TANC2: variants seen among roughly 807,000 people sequenced by gnomAD.
TANC2 encodes the protein tetratricopeptide repeat, ankyrin repeat and coiled-coil containing 2, also known as protein TANC2.
TANC2 carries 26 observed loss-of-function variants against 210.5 expected under a neutral mutation model. That is an observed-to-expected ratio of 0.12 (90% CI 0.09 to 0.17). The LOEUF is 0.17. Ranked by LOEUF, TANC2 falls within the 10% of genes least tolerant of loss-of-function variation. The probability of loss-of-function intolerance (pLI) is 1.00; values close to 1 mark genes in which losing one functional copy is unlikely to be tolerated. For synonymous variants in TANC2, 931 were observed against 967.1 expected, an observed-to-expected ratio of 0.96 and a Z score of 0.69; for missense variants, 2,129 against 2,608.9, an observed-to-expected ratio of 0.82 and a Z score of 4.01.
intron 16 of TANC2, 103 bp from the exon 17 acceptor site, chr17:63,389,205 G>A: frequency 2.4e-6 from 2 of 833,768 alleles, no homozygotes; most frequent in Non-Finnish European, 3.7e-6. Context: ...ATTACTAAAT[G>A]CTACTAGACA....
intron 5 of TANC2, among the ~76,000 whole-genome samples, chr17:63,183,037 CTT>C (rs1475050963): frequency 6.6e-6 from 1 of 151,416 alleles, no homozygotes; most frequent in African/African-American, 2.4e-5. Context: ...TTGTCTTAAA[CTT>C]TTGAATTTAT....
Position 63,420,632 on chromosome 17 carries a change from T to C in TANC2, c.4902T>C (p.Ser1634=), listed in dbSNP as rs2048997248. 6.2e-7 allele frequency: 1 copy of C among 1,613,790 alleles called. No homozygotes were observed. Among genetic ancestry groups the C allele is most frequent in the East Asian group, 2.2e-5 (1 of 44,866 alleles). Residue 1634 remains serine, a synonymous_variant, in exon 28 of 28, where the codon AGT becomes AGC. Transcript: ENST00000689528. The surrounding 1 kb of genome is among the most constrained non-coding windows in gnomAD (Gnocchi z 4.2). ...ATCGGGCCAGCCCTCCAGCTGAAAG[T>C]ATGAGTGTCTATAGATCCCAGTCTG...
At chr17:63,036,366 G>T (rs1379844008) in intron 2 of TANC2, among the ~76,000 whole-genome samples, 1 of 152,120 alleles carries the variant, frequency 6.6e-6, no homozygotes, top group Non-Finnish European at 1.5e-5. Context: ...TTGTTGAAAA[G>T]ACTACACTTT....
chr17:63,412,453 C>T lies in TANC2; in HGVS notation c.3899-227C>T, dbSNP rs772561121. On this transcript the variant is annotated intron_variant, in intron 23 of 27. Transcript: ENST00000689528. This position sits in a 1 kb window ranked among gnomAD's most constrained non-coding sequence, Gnocchi z 4.2. The stretch of plus-strand genomic sequence containing the variant: ...TCAGCATCCTGGATCTCTGCGCTGC[C>T]GTGAGCCTTTGCTTTCCCTTGCTCT... Among the ~76,000 whole-genome samples the T allele has an allele frequency of 2.3e-4, 35 of 152,294 alleles. No individual in the cohort carries two copies. The highest frequency in any genetic ancestry group is 3.5e-4 in the Non-Finnish European group (24 of 68,016).
intron 2 of TANC2, among the ~76,000 whole-genome samples, chr17:63,012,041 G>T: frequency 7.0e-6 from 1 of 143,598 alleles, no homozygotes. Flanking sequence ...TTTTGAGACA[G>T]GATCTCACTC....
At chr17:63,011,926 CTG>C (rs1034490242) in intron 2 of TANC2, among the ~76,000 whole-genome samples, 5 of 151,552 alleles carry the variant, frequency 3.3e-5, no homozygotes, top group Admixed American at 3.3e-4. Context: ...ATTTGGGTAT[CTG>C]TGTGCTGTCT....
At chr17:63,087,076 G>C (rs142770637) in intron 3 of TANC2, among the ~76,000 whole-genome samples, 2 of 152,278 alleles carry the variant, frequency 1.3e-5, no homozygotes, top group East Asian at 3.9e-4. Context: ...TCTTGGTTCC[G>C]TGCCACCTTT....
chr17:63,149,301 C>A (rs1374813205), intron 4 of TANC2: 1 of 152,016 alleles, frequency 6.6e-6, no homozygotes, highest in African/African-American at 2.4e-5. Flanking sequence ...TCTGTATGAT[C>A]TCTAGAACCC....
chr17:63,211,542 A>G (rs1036467902), intron 7 of TANC2, among the ~76,000 whole-genome samples: 2 of 151,800 alleles, frequency 1.3e-5, no homozygotes, highest in East Asian at 3.9e-4. Context: ...GTGTTCTGTC[A>G]CCACCACTAC....
chr17:63,281,531 G>A (rs988670360), intron 9 of TANC2, among the ~76,000 whole-genome samples: 5 of 151,904 alleles, frequency 3.3e-5, no homozygotes, highest in African/African-American at 1.2e-4. Flanking sequence ...ATTTGAATCC[G>A]GCTAAGTTAA....
intron 2 of TANC2, among the ~76,000 whole-genome samples, chr17:63,044,990 G>T (rs565069392): frequency 2.0e-4 from 30 of 152,106 alleles, no homozygotes; most frequent in Non-Finnish European, 3.8e-4. Flanking sequence ...TGTAGCCCAT[G>T]GGCCAAATCC....
In TANC2 at chr17:63,412,127, ATAGG is replaced by A; in HGVS notation, c.3898+2_3898+5del. 6.2e-7 allele frequency: 1 copy of A among 1,614,004 alleles called. No homozygotes were observed. The highest frequency in any genetic ancestry group is 8.5e-7 in the Non-Finnish European group (1 of 1,179,890). On this transcript the variant is annotated splice_donor_variant and coding_sequence_variant, in exon 23 of 28. Transcript: ENST00000689528. LOFTEE classifies it high-confidence loss of function. The surrounding 1 kb of genome is among the most constrained non-coding windows in gnomAD (Gnocchi z 4.2). ...CACTCTTCTGAAGAAAGGAGCCAAG[ATAGG>A]TAGGAGAAGGGAAGAGGATGTTGGC... is the stretch of plus-strand genomic sequence containing the variant.
intron 7 of TANC2, among the ~76,000 whole-genome samples, chr17:63,235,141 A>C (rs903733346): frequency 1.4e-4 from 21 of 151,590 alleles, no homozygotes; most frequent in African/African-American, 5.1e-4. Context: ...TCAATTCTTT[A>C]TTTGTTTTCC....
chr17:63,041,247 CAA>C (rs1396431782), intron 2 of TANC2, among the ~76,000 whole-genome samples: 2 of 151,976 alleles, frequency 1.3e-5, no homozygotes, highest in African/African-American at 2.4e-5. Flanking sequence ...TCGAATAACA[CAA>C]AAGAGTAATG....
intron 4 of TANC2, among the ~76,000 whole-genome samples, chr17:63,120,168 A>ATTTT (rs542063478): frequency 2.0e-5 from 3 of 148,712 alleles, no homozygotes; most frequent in African/African-American, 7.4e-5. Flanking sequence ...ATCCTTTGGT[A>ATTTT]TTTTTTTTTT....
chr17:63,276,081 TC>T (rs1469038527), intron 9 of TANC2, among the ~76,000 whole-genome samples: 1 of 152,148 alleles, frequency 6.6e-6, no homozygotes, highest in Non-Finnish European at 1.5e-5. Context: ...ATTTTGTAAT[TC>T]AGTAAAATGA....
intron 9 of TANC2, among the ~76,000 whole-genome samples, chr17:63,312,994 C>T (rs923500552): frequency 1.3e-5 from 2 of 152,158 alleles, no homozygotes; most frequent in African/African-American, 2.4e-5. Flanking sequence ...AGAGTGCACA[C>T]ATGTATGTGT....
chr17:63,240,188 A>G (rs1047805559), intron 8 of TANC2, among the ~76,000 whole-genome samples: 8 of 152,234 alleles, frequency 5.3e-5, no homozygotes, highest in East Asian at 3.9e-4. Context: ...ACTACCAACC[A>G]TAATAGTATG....
At chr17:63,210,443 T>G (rs559522777) in intron 7 of TANC2, among the ~76,000 whole-genome samples, 13 of 152,348 alleles carry the variant, frequency 8.5e-5, no homozygotes, top group African/African-American at 2.6e-4. Flanking sequence ...TCCTCTACAC[T>G]TATGAGACTC....
Sources: gnomAD v4.1 joint callset for allele counts (sites outside exome capture counted in the v4.1 genomes callset) on GRCh38, gnomAD v4.1.1 for gene constraint, Gnocchi (gnomAD v3.1) non-coding constraint, MANE v1.5 for transcripts, NCBI Gene and HGNC (gene_info 2026-07-23, HGNC 2026-07-21) for gene names.